Variants in OSBPL8 observed in about 807,000 individuals in gnomAD.
OSBPL8 encodes the protein oxysterol-binding protein-related protein 8.
A neutral mutation model predicts 125.5 loss-of-function variants in OSBPL8; 59 were observed. That is an observed-to-expected ratio of 0.47 (90% CI 0.38 to 0.58). OSBPL8 has a LOEUF of 0.58. OSBPL8 is among the 20% of genes least tolerant of loss of function. The probability of loss-of-function intolerance (pLI) is 0.00; values close to 1 mark genes in which losing one functional copy is unlikely to be tolerated. For synonymous variants in OSBPL8, 330 were observed against 338.9 expected, an observed-to-expected ratio of 0.97 and a Z score of 0.29; for missense variants, 758 against 1,047.8, an observed-to-expected ratio of 0.72 and a Z score of 3.82.
In OSBPL8 at chr12:76,374,342, T is replaced by C. The variant is rs984509567; in HGVS notation, c.1828-909A>G. Among the ~76,000 whole-genome samples the C allele has an allele frequency of 2.0e-5, 3 of 152,136 alleles. No individual in the cohort carries two copies. The East Asian group carries it at 5.8e-4, about 29-fold the overall frequency. On this transcript the variant is annotated intron_variant, in intron 17 of 23. Coordinates refer to ENST00000261183, the MANE Select transcript of OSBPL8 (RefSeq NM_020841.5). ...TCCCCTTCAGCCCACATACTCTTCC[T>C]CAAGGAGACCTTGCCACTCTCCCAA...
At chr12:76,484,098 A>G (rs1176867057) in intron 2 of OSBPL8, among the ~76,000 whole-genome samples, 1 of 152,226 alleles carries the variant, frequency 6.6e-6, no homozygotes, top group African/African-American at 2.4e-5. Flanking sequence ...TCCCTGGTCT[A>G]GCACTCAAAG....
At chr12:76,526,200 G>A (rs753899820) in intron 1 of OSBPL8, among the ~76,000 whole-genome samples, 4 of 152,232 alleles carry the variant, frequency 2.6e-5, no homozygotes, top group Admixed American at 2.0e-4. Context: ...TATGACAGAC[G>A]TTTTAAACAA....
intron 2 of OSBPL8, among the ~76,000 whole-genome samples, chr12:76,466,257 G>T (rs1180239042): frequency 6.6e-6 from 1 of 151,858 alleles, no homozygotes; most frequent in African/African-American, 2.4e-5. Context: ...AGTCAAAAAA[G>T]AACTTATTTA....
In OSBPL8 at chr12:76,353,806, GT is replaced by G. The variant is rs1334445409; in HGVS notation, c.*2082del. The G allele has an allele frequency of 2.0e-5, 3 of 152,444 alleles. No homozygotes were observed. In the East Asian group the frequency reaches 5.8e-4, roughly 29 times the overall value. 9.4% of individuals were successfully genotyped at this position (152,444 alleles called of 1,614,324 possible). A position where few individuals can be genotyped will look rare whatever the true frequency, so the allele number is the denominator to read the frequency against. On this transcript the variant is annotated 3_prime_UTR_variant, in exon 24 of 24. Coordinates refer to ENST00000261183, the MANE Select transcript of OSBPL8 (RefSeq NM_020841.5). ...TAACTCTGCTCTTTCTTAAGAAATA[GT>G]TTTTGACTCTTTGGGTAAGAACCCA...
intron 2 of OSBPL8, among the ~76,000 whole-genome samples, chr12:76,462,022 G>C (rs1301642070): frequency 6.6e-6 from 1 of 152,164 alleles, no homozygotes; most frequent in Non-Finnish European, 1.5e-5. Flanking sequence ...AGATCTTCCT[G>C]AATTGATATA....
intron 1 of OSBPL8, among the ~76,000 whole-genome samples, chr12:76,540,419 T>C (rs1193969605): frequency 6.6e-6 from 1 of 151,990 alleles, no homozygotes; most frequent in Non-Finnish European, 1.5e-5. Context: ...GATGTATTGA[T>C]TGGTAGAAAA....
chr12:76,358,175 C>CT (rs60714321), intron 22 of OSBPL8, among the ~76,000 whole-genome samples: 45,109 of 100,308 alleles, frequency 0.45, 11,663 homozygotes, highest in East Asian at 0.87. Flanking sequence ...GAGTGTGGTT[C>CT]TTTTTTTTTT....
rs367927799 is a variant in OSBPL8, at chr12:76,370,125, A to ATT, written c.2055-304_2055-303insAA. On this transcript the variant is annotated intron_variant, in intron 19 of 23. Transcript: ENST00000261183. ...TGCTGGCTCAAGATGATAGGATGTAATGAAGGTAAAGCTCAGGAATCTACG... is the reference window on the plus strand; with the variant it reads ...TGCTGGCTCAAGATGATAGGATGTAATTTGAAGGTAAAGCTCAGGAATCTACG... Among the ~76,000 whole-genome samples the ATT allele has an allele frequency of 5.7e-3, 871 of 152,296 alleles. 11 individuals carry two copies. The highest frequency in any genetic ancestry group is 0.02 in the African/African-American group (838 of 41,562).
At chr12:76,407,559 T>A (rs904946124) in intron 5 of OSBPL8, among the ~76,000 whole-genome samples, 1 of 152,166 alleles carries the variant, frequency 6.6e-6, no homozygotes, top group African/African-American at 2.4e-5. Context: ...AATGTTAAAA[T>A]ATTTAAAGAC....
intron 1 of OSBPL8, among the ~76,000 whole-genome samples, chr12:76,548,187 T>C (rs894663903): frequency 6.6e-6 from 1 of 151,652 alleles, no homozygotes; most frequent in Non-Finnish European, 1.5e-5. Context: ...AGAAAGAAAA[T>C]CGTAACAGTA....
chr12:76,459,966 C>G, intron 2 of OSBPL8, 71 bp from the exon 3 acceptor site: 1 of 1,472,406 alleles, frequency 6.8e-7, no homozygotes. Context: ...TGCATCAGGA[C>G]GGAAACAGCA....
At chr12:76,430,958 AAGAC>A (rs1870743574) in intron 4 of OSBPL8, among the ~76,000 whole-genome samples, 1 of 152,208 alleles carries the variant, frequency 6.6e-6, no homozygotes, top group African/African-American at 2.4e-5. Context: ...GATAAACATA[AAGAC>A]AAACACAGAA....
At chr12:76,496,561 A>T (rs1189610563) in intron 1 of OSBPL8, among the ~76,000 whole-genome samples, 1 of 149,932 alleles carries the variant, frequency 6.7e-6, no homozygotes, top group African/African-American at 2.5e-5. Flanking sequence ...TTTTTTTGAG[A>T]CAGAGTTTCG....
At chr12:76,503,536 G>GT (rs1880110345) in intron 1 of OSBPL8, among the ~76,000 whole-genome samples, 1 of 152,070 alleles carries the variant, frequency 6.6e-6, no homozygotes, top group African/African-American at 2.4e-5. Flanking sequence ...CTTATAACAA[G>GT]TATGTTTTTT....
intron 2 of OSBPL8, among the ~76,000 whole-genome samples, chr12:76,469,379 T>A (rs544686264): frequency 6.6e-6 from 1 of 152,262 alleles, no homozygotes; most frequent in South Asian, 2.1e-4. Flanking sequence ...AGATATTCCA[T>A]CTGTCTTGTC....
chr12:76,499,442 G>T (rs1221247175), intron 1 of OSBPL8, among the ~76,000 whole-genome samples: 1 of 151,946 alleles, frequency 6.6e-6, no homozygotes, highest in Non-Finnish European at 1.5e-5. Flanking sequence ...TGCCCAGGCT[G>T]GTCTTGAATC....
At chr12:76,548,082 C>T (rs898424772) in intron 1 of OSBPL8, among the ~76,000 whole-genome samples, 3 of 152,044 alleles carry the variant, frequency 2.0e-5, no homozygotes, top group African/African-American at 7.2e-5. Flanking sequence ...GTTTATGAAG[C>T]TAGAAGAAGA....
intron 1 of OSBPL8, among the ~76,000 whole-genome samples, chr12:76,526,526 T>C (rs1950176891): frequency 6.6e-6 from 1 of 151,628 alleles, no homozygotes. Flanking sequence ...ATAAAATCCA[T>C]GAATTTACTG....
At chr12:76,465,433 GC>G (rs1457201177) in intron 2 of OSBPL8, among the ~76,000 whole-genome samples, 8 of 151,946 alleles carry the variant, frequency 5.3e-5, no homozygotes, top group African/African-American at 1.9e-4. Flanking sequence ...GGTGGCGGGC[GC>G]CTATAGTCCT....
Sources: allele counts gnomAD v4.1 joint callset (sites outside exome capture counted in the v4.1 genomes callset), GRCh38; gene constraint gnomAD v4.1.1; transcripts MANE v1.5; gene names NCBI Gene and HGNC (gene_info 2026-07-23, HGNC 2026-07-21).